TENM4: variants seen among roughly 807,000 people sequenced by gnomAD.
TENM4 encodes teneurin-4.
Under a neutral mutation model 243.3 loss-of-function variants are expected in TENM4, and 82 were observed. The observed-to-expected ratio is 0.34, with a 90% CI of 0.28 to 0.40. The LOEUF is 0.40. TENM4 is among the 10% of genes least tolerant of loss of function. TENM4 has a pLI of 1.00. For missense variants in TENM4, 3,138 were observed against 3,673.3 expected, an observed-to-expected ratio of 0.85 and a Z score of 3.77; for synonymous variants, 1,412 against 1,456.3, an observed-to-expected ratio of 0.97 and a Z score of 0.69.
At chr11:79,418,932 G>C (rs1056014910) in intron 1 of TENM4, among the ~76,000 whole-genome samples, 1 of 152,214 alleles carries the variant, frequency 6.6e-6, no homozygotes, top group Non-Finnish European at 1.5e-5. Context: ...CATTCCCAAA[G>C]AGGCATACAG....
chr11:79,014,457 T>G (rs1220765622), intron 6 of TENM4: 2 of 152,216 alleles, frequency 1.3e-5, no homozygotes, highest in African/African-American at 4.8e-5. Flanking sequence ...CAAAATGCCC[T>G]CAGACGAAAC....
rs1196725785 is a variant in TENM4, at chr11:78,845,956, C to T, written c.1681+8148G>A. ...ATAAATAAGTCAGATGAGCGGACTG[C>T]AGGCACGTGGCCAGCACACTGTGAG... is the stretch of plus-strand genomic sequence containing the variant. On this transcript the variant is annotated intron_variant, in intron 12 of 33. Transcript: ENST00000278550. Among the ~76,000 whole-genome samples, 3 of 152,136 alleles carry T rather than the reference C, an allele frequency of 2.0e-5. No homozygotes were observed. In the East Asian group the frequency reaches 5.8e-4, roughly 29 times the overall value.
intron 6 of TENM4, among the ~76,000 whole-genome samples, chr11:78,993,963 T>C (rs1030032373): frequency 6.6e-6 from 1 of 152,230 alleles, no homozygotes; most frequent in Non-Finnish European, 1.5e-5. Context: ...GTCTGGATTT[T>C]GTTGTCTTCC....
At chr11:79,212,504 T>C (rs1863972877) in intron 3 of TENM4, among the ~76,000 whole-genome samples, 1 of 152,202 alleles carries the variant, frequency 6.6e-6, no homozygotes, top group Admixed American at 6.5e-5. Flanking sequence ...TTTTAAATTG[T>C]TAACCTACTC....
intron 19 of TENM4, among the ~76,000 whole-genome samples, chr11:78,743,718 A>G (rs1382743827): frequency 1.3e-5 from 2 of 152,206 alleles, no homozygotes; most frequent in African/African-American, 4.8e-5. Context: ...GTGATCTGAA[A>G]AACTTTGAAA....
Position 78,766,861 on chromosome 11 carries a change from C to G in TENM4, c.2539+4131G>C, listed in dbSNP as rs539863198. On this transcript the variant is annotated intron_variant, in intron 18 of 33. Transcript: ENST00000278550. ...GGGATTACAGGTGCGCCCCACCAAG[C>G]CCAGCTAATTTTTTGCATTTTTAGT... Among the ~76,000 whole-genome samples the G allele has an allele frequency of 1.4e-4, 22 of 152,108 alleles. No individual in the cohort carries two copies. In the South Asian group the frequency reaches 1.7e-3, roughly 11 times the overall value.
intron 6 of TENM4, among the ~76,000 whole-genome samples, chr11:78,955,373 G>A (rs1246222327): frequency 6.6e-6 from 1 of 152,178 alleles, no homozygotes; most frequent in African/African-American, 2.4e-5. Context: ...CTCTTCAACG[G>A]TCTGGGCCCT....
chr11:79,190,515 T>C (rs1034549246), intron 3 of TENM4, among the ~76,000 whole-genome samples: 1 of 152,156 alleles, frequency 6.6e-6, no homozygotes, highest in Non-Finnish European at 1.5e-5. Flanking sequence ...CCTCAGTATT[T>C]ACTTTTAGAA....
chr11:78,658,037 A>G lies in TENM4; in HGVS notation c.*21T>C. 1 of 1,614,054 alleles carries G rather than the reference A, an allele frequency of 6.2e-7. No homozygotes were observed. The highest frequency in any genetic ancestry group is 1.6e-4 in the Middle Eastern group (1 of 6,062). On this transcript the variant is annotated 3_prime_UTR_variant, in exon 34 of 34. Coordinates refer to ENST00000278550, the MANE Select transcript of TENM4 (RefSeq NM_001098816.3). ...CACAAAAGAGTAGCTGTCTTTGGCA[A>G]GAAGTCCTTGGTCCTCTCTGTCACC...
chr11:78,767,863 CA>C (rs1469249386), intron 18 of TENM4, among the ~76,000 whole-genome samples: 1 of 152,200 alleles, frequency 6.6e-6, no homozygotes, highest in African/African-American at 2.4e-5. Flanking sequence ...CAATTTCTTA[CA>C]AATGACTGTG....
chr11:79,420,682 T>C (rs549528177), intron 1 of TENM4, among the ~76,000 whole-genome samples: 1 of 152,086 alleles, frequency 6.6e-6, no homozygotes, highest in African/African-American at 2.4e-5. Context: ...CAGTTTTTTT[T>C]TGGGGGGTGG....
At chr11:78,848,223 G>A (rs1277845981) in intron 12 of TENM4, among the ~76,000 whole-genome samples, 1 of 150,624 alleles carries the variant, frequency 6.6e-6, no homozygotes, top group South Asian at 2.1e-4. Flanking sequence ...AAATTCATGA[G>A]CTCTTGTTCC....
At chr11:79,348,188 A>G (rs1379747172) in intron 1 of TENM4, among the ~76,000 whole-genome samples, 1 of 152,184 alleles carries the variant, frequency 6.6e-6, no homozygotes, top group Non-Finnish European at 1.5e-5. Flanking sequence ...CTTTTAACAG[A>G]GCCATCTGTT....
At chr11:79,021,984 G>A (rs541070936) in intron 6 of TENM4, among the ~76,000 whole-genome samples, 7 of 152,246 alleles carry the variant, frequency 4.6e-5, no homozygotes, top group Middle Eastern at 3.4e-3. Context: ...CAGAGGATAC[G>A]CAGACAATTT....
chr11:79,314,503 T>C (rs1856772871), intron 1 of TENM4, among the ~76,000 whole-genome samples: 1 of 152,198 alleles, frequency 6.6e-6, no homozygotes, highest in South Asian at 2.1e-4. Context: ...ACCCTGGATC[T>C]AGCGCAGACC....
intron 2 of TENM4, among the ~76,000 whole-genome samples, chr11:79,257,914 G>A (rs373960578): frequency 6.6e-6 from 1 of 152,298 alleles, no homozygotes; most frequent in Non-Finnish European, 1.5e-5. Context: ...GACTTGTCAC[G>A]TGAGAATCCA....
intron 2 of TENM4, among the ~76,000 whole-genome samples, chr11:79,285,565 T>C (rs1856235492): frequency 1.3e-5 from 2 of 152,166 alleles, no homozygotes; most frequent in Non-Finnish European, 2.9e-5. Flanking sequence ...TGAATGTTCA[T>C]AGCATCATTA....
At position 78,793,294 on chromosome 11, in the gene TENM4, G is replaced by A. The variant is rs923626756; in HGVS notation, c.2180-6211C>T. On this transcript the variant is annotated intron_variant, in intron 15 of 33. Coordinates refer to ENST00000278550, the MANE Select transcript of TENM4 (RefSeq NM_001098816.3). ...AGGGCCCCCGCCCAAAGATCTGCACGCCTTCCTGCTGAGCAAGGAACAGGT... is the reference window on the plus strand; with the variant it reads ...AGGGCCCCCGCCCAAAGATCTGCACACCTTCCTGCTGAGCAAGGAACAGGT... Among the ~76,000 whole-genome samples, 7 of 152,160 alleles carry A rather than the reference G, an allele frequency of 4.6e-5. No homozygotes were observed. In the East Asian group the frequency reaches 9.6e-4, roughly 21 times the overall value.
At chr11:79,135,220 A>G (rs981804387) in intron 4 of TENM4, among the ~76,000 whole-genome samples, 1 of 152,102 alleles carries the variant, frequency 6.6e-6, no homozygotes, top group African/African-American at 2.4e-5. Flanking sequence ...AAGATATATG[A>G]AGGGCCAACA....
Sources: gnomAD v4.1 joint callset for allele counts (sites outside exome capture counted in the v4.1 genomes callset) on GRCh38, gnomAD v4.1.1 for gene constraint, MANE v1.5 for transcripts, NCBI Gene and HGNC (gene_info 2026-07-23, HGNC 2026-07-21) for gene names.